GABRG2: variants seen among roughly 807,000 people sequenced by gnomAD.
GABRG2 encodes the protein gamma-aminobutyric acid receptor subunit gamma-2.
In GABRG2, 16 loss-of-function variants were observed where a neutral mutation model predicts 56.4. That is an observed-to-expected ratio of 0.28 (90% CI 0.19 to 0.43). The LOEUF (loss-of-function observed/expected upper bound fraction) is 0.43, where lower values mean the gene tolerates loss of function less well. Ranked by LOEUF, GABRG2 falls within the 20% of genes least tolerant of loss-of-function variation. The pLI is 1.00. For synonymous variants in GABRG2, 208 were observed against 205.5 expected (o/e 1.01, Z -0.10); for missense variants, 327 against 582.7 (o/e 0.56, Z 4.52).
At chr5:162,150,788 T>C (rs908973455) in intron 8 of GABRG2, 1 of 152,234 alleles carries the variant, frequency 6.6e-6, no homozygotes, top group African/African-American at 2.4e-5. Flanking sequence ...CTTTGGAACA[T>C]GGAAAGAAAG....
chr5:162,139,391 T>C (rs544706029), intron 6 of GABRG2, among the ~76,000 whole-genome samples: 1 of 152,276 alleles, frequency 6.6e-6, no homozygotes, highest in Non-Finnish European at 1.5e-5. Flanking sequence ...GACGTGGCCT[T>C]GGAGATATGA....
Position 162,119,864 on chromosome 5 carries a change from G to A in GABRG2, c.769+15838G>A, listed in dbSNP as rs375862370. On this transcript the variant is annotated intron_variant, in intron 6 of 9. Coordinates refer to ENST00000639213, the MANE Select transcript of GABRG2 (RefSeq NM_198904.4). ...TTTGGAATATAATTTGAAGGTATTG[G>A]TATAGTCATAATGCTGTTTAAGAGC... 5.7e-4 allele frequency among the ~76,000 whole-genome samples: 87 copies of A among 152,150 alleles called. 2 individuals carry two copies. The highest frequency in any genetic ancestry group is 2.0e-3 in the African/African-American group (85 of 41,500).
intron 1 of GABRG2, among the ~76,000 whole-genome samples, chr5:162,070,590 T>C (rs1397322494): frequency 2.6e-5 from 4 of 151,940 alleles, no homozygotes; most frequent in Non-Finnish European, 5.9e-5. Flanking sequence ...GTTTTCGCCC[T>C]CATTAAGTGA....
At chr5:162,131,866 G>A (rs1227924347) in intron 6 of GABRG2, among the ~76,000 whole-genome samples, 1 of 148,242 alleles carries the variant, frequency 6.7e-6, no homozygotes, top group Admixed American at 7.0e-5. Flanking sequence ...AAAATGTGGT[G>A]AGACACCTAC....
chr5:162,119,721 C>T lies in GABRG2; in HGVS notation c.769+15695C>T, dbSNP rs192433408. On this transcript the variant is annotated intron_variant, in intron 6 of 9. Coordinates refer to ENST00000639213, the MANE Select transcript of GABRG2 (RefSeq NM_198904.4). ...CCGAAGTCTATGCTTTTTACTACAA[C>T]GGAGCACATCAATGCCTACATGCTT... 1.0e-3 allele frequency among the ~76,000 whole-genome samples: 159 copies of T among 152,216 alleles called. 3 individuals are homozygous for T. Among genetic ancestry groups the T allele is most frequent in the African/African-American group, 3.6e-3 (148 of 41,560 alleles).
intron 6 of GABRG2, among the ~76,000 whole-genome samples, chr5:162,122,437 T>A (rs1763036492): frequency 6.6e-6 from 1 of 151,868 alleles, no homozygotes; most frequent in East Asian, 1.9e-4. Flanking sequence ...ATTTAAAAAA[T>A]TAAATGATTA....
chr5:162,143,475 C>T (rs1764733740), intron 7 of GABRG2, among the ~76,000 whole-genome samples: 1 of 152,152 alleles, frequency 6.6e-6, no homozygotes, highest in Non-Finnish European at 1.5e-5. Context: ...CTCACACAGA[C>T]TAAAACAAAG....
chr5:162,088,114 A>T (rs13174392), intron 1 of GABRG2, among the ~76,000 whole-genome samples: 5,905 of 152,124 alleles, frequency 0.039, 283 homozygotes, highest in East Asian at 0.24. Context: ...TGGGAGGAAT[A>T]AAATCCCACA....
chr5:162,120,264 G>C (rs1762896112), intron 6 of GABRG2, among the ~76,000 whole-genome samples: 1 of 152,058 alleles, frequency 6.6e-6, no homozygotes, highest in African/African-American at 2.4e-5. Flanking sequence ...TCTGTCATCT[G>C]TCTGTAATTC....
intron 6 of GABRG2, among the ~76,000 whole-genome samples, chr5:162,135,271 C>T (rs1764041839): frequency 6.6e-6 from 1 of 151,950 alleles, no homozygotes; most frequent in Non-Finnish European, 1.5e-5. Flanking sequence ...TCACTGTGAC[C>T]TTATATCCAT....
chr5:162,083,079 G>A (rs1230324759), intron 1 of GABRG2, among the ~76,000 whole-genome samples: 2 of 151,732 alleles, frequency 1.3e-5, no homozygotes, highest in Non-Finnish European at 3.0e-5. Context: ...TCATTCAGAT[G>A]TATGTACACA....
chr5:162,072,808 T>A (rs1398235026), intron 1 of GABRG2, among the ~76,000 whole-genome samples: 1 of 149,140 alleles, frequency 6.7e-6, no homozygotes, highest in Non-Finnish European at 1.5e-5. Flanking sequence ...AATGACTTAC[T>A]TAAACATAAT....
Position 162,097,791 on chromosome 5 carries a change from C to T in GABRG2, c.481C>T (p.His161Tyr), listed in dbSNP as rs772566750. ...FFRNSKKADA[H>Y]WITTPNRMLR... ...CAGAAATTCCAAAAAAGCTGATGCA[C>T]ACTGGATCACCACCCCCAACAGGAT... Residue 161 changes from histidine to tyrosine, a missense_variant, in exon 4 of 10, where the codon CAC becomes TAC. Transcript: ENST00000639213. The T allele has an allele frequency of 1.2e-6, 2 of 1,613,688 alleles. No homozygotes were observed. The highest frequency in any genetic ancestry group is 1.1e-5 in the South Asian group (1 of 91,074).
chr5:162,142,324 A>G lies in GABRG2; in HGVS notation c.922+8A>G. On this transcript the variant is annotated splice_region_variant and intron_variant, in intron 7 of 9. Transcript: ENST00000639213. ...CAGCCAGAACATCTTTAGGTGAGAC[A>G]CCTTTGTTTATGTTGCAGTTTCTCA... 1 of 1,613,940 alleles carries G rather than the reference A, an allele frequency of 6.2e-7. No homozygotes were observed. Among genetic ancestry groups the G allele is most frequent in the Non-Finnish European group, 8.5e-7 (1 of 1,179,918 alleles).
intron 8 of GABRG2, chr5:162,151,215 T>G (rs529781327): frequency 1.3e-5 from 2 of 155,476 alleles, no homozygotes; most frequent in Admixed American, 6.5e-5. Context: ...GAGAACAGGA[T>G]AAAAATTTGA....
At chr5:162,096,388 A>G (rs1561642581) in intron 3 of GABRG2, among the ~76,000 whole-genome samples, 1 of 152,138 alleles carries the variant, frequency 6.6e-6, no homozygotes. Flanking sequence ...TTTAGGAATA[A>G]CAGTCCCCAG....
At chr5:162,075,893 A>G (rs1759062914) in intron 1 of GABRG2, among the ~76,000 whole-genome samples, 2 of 152,034 alleles carry the variant, frequency 1.3e-5, no homozygotes, top group Admixed American at 1.3e-4. Context: ...GTCTTTTCAT[A>G]TTAAAAAAGG....
intron 7 of GABRG2, among the ~76,000 whole-genome samples, chr5:162,144,722 A>G (rs1348775541): frequency 2.6e-5 from 4 of 152,190 alleles, no homozygotes; most frequent in Admixed American, 2.6e-4. Context: ...CTGATGAGAC[A>G]TAGGTTTGCT....
chr5:162,074,691 A>G (rs1396107373), intron 1 of GABRG2, among the ~76,000 whole-genome samples: 1 of 152,064 alleles, frequency 6.6e-6, no homozygotes, highest in Non-Finnish European at 1.5e-5. Flanking sequence ...CTTGAGATAC[A>G]TAATTGAGGA....
Sources: gnomAD v4.1 joint callset for allele counts (sites outside exome capture counted in the v4.1 genomes callset) on GRCh38, gnomAD v4.1.1 for gene constraint, MANE v1.5 for transcripts, NCBI Gene and HGNC (gene_info 2026-07-23, HGNC 2026-07-21) for gene names.